The following ATRNL1 variants were observed in gnomAD, a reference collection of about 807,000 sequenced individuals.
ATRNL1 encodes the protein attractin like 1.
ATRNL1 carries 95 observed loss-of-function variants against 182.7 expected under a neutral mutation model. The observed-to-expected ratio is 0.52, with a 90% confidence interval of 0.44 to 0.62. The LOEUF is 0.62. Among genes scored for constraint, ATRNL1 ranks in the 20% least tolerant of loss-of-function variants. The pLI, the probability that ATRNL1 is intolerant of heterozygous loss-of-function variation, is 0.00. For missense variants in ATRNL1, 1,471 were observed against 1,679.5 expected, an observed-to-expected ratio of 0.88 and a Z score of 2.17; for synonymous variants, 576 against 568.3, an observed-to-expected ratio of 1.01 and a Z score of -0.19.
chr10:115,891,262 T>TGG (rs1239209144), intron 28 of ATRNL1, among the ~76,000 whole-genome samples: 1 of 152,056 alleles, frequency 6.6e-6, no homozygotes, highest in East Asian at 1.9e-4. Context: ...GAGGAGAATG[T>TGG]GGGGTCAGGA....
At chr10:115,239,398 A>C (rs1554902283) in intron 9 of ATRNL1, among the ~76,000 whole-genome samples, 1 of 151,812 alleles carries the variant, frequency 6.6e-6, no homozygotes, top group Non-Finnish European at 1.5e-5. Flanking sequence ...ACGCCCAGCT[A>C]ATTTTTTGTA....
intron 8 of ATRNL1, among the ~76,000 whole-genome samples, chr10:115,199,791 C>T (rs1189883533): frequency 6.6e-6 from 1 of 152,022 alleles, no homozygotes; most frequent in African/African-American, 2.4e-5. Flanking sequence ...TTTGCTTTTT[C>T]AGTAAACTAT....
chr10:115,802,252 G>T (rs1419726353), intron 27 of ATRNL1, among the ~76,000 whole-genome samples: 1 of 152,090 alleles, frequency 6.6e-6, no homozygotes, highest in Admixed American at 6.5e-5. Flanking sequence ...TGATATTCTG[G>T]GAAAGCTACC....
At chr10:115,588,093 A>G (rs1565191723) in intron 26 of ATRNL1, among the ~76,000 whole-genome samples, 1 of 152,122 alleles carries the variant, frequency 6.6e-6, no homozygotes, top group Non-Finnish European at 1.5e-5. Context: ...TTTTTTACTA[A>G]AACACCCCTA....
chr10:115,920,301 T>C (rs1953011015), intron 28 of ATRNL1, among the ~76,000 whole-genome samples: 1 of 152,188 alleles, frequency 6.6e-6, no homozygotes, highest in Non-Finnish European at 1.5e-5. Context: ...ATTCTGATCT[T>C]ATCAGGCACG....
chr10:115,385,276 T>A (rs1314043696), intron 19 of ATRNL1, among the ~76,000 whole-genome samples: 2 of 152,130 alleles, frequency 1.3e-5, no homozygotes, highest in African/African-American at 4.8e-5. Context: ...TCTTGTTGAT[T>A]TACAATTATA....
intron 19 of ATRNL1, among the ~76,000 whole-genome samples, chr10:115,339,285 AT>A (rs1246485960): frequency 6.6e-6 from 1 of 152,018 alleles, no homozygotes; most frequent in Non-Finnish European, 1.5e-5. Flanking sequence ...ATTGCATTGT[AT>A]CTGTAGACTG....
intron 20 of ATRNL1, among the ~76,000 whole-genome samples, chr10:115,412,618 T>C (rs1845198124): frequency 6.6e-6 from 1 of 152,214 alleles, no homozygotes; most frequent in East Asian, 1.9e-4. Flanking sequence ...ATTTTTGTAA[T>C]ATATTCCTTA....
intron 26 of ATRNL1, among the ~76,000 whole-genome samples, chr10:115,558,483 C>A (rs1554997961): frequency 6.6e-6 from 1 of 152,200 alleles, no homozygotes; most frequent in Non-Finnish European, 1.5e-5. Context: ...CCAAGGCACT[C>A]TCCCTTTCCA....
chr10:115,191,010 C>A (rs1394181897), intron 8 of ATRNL1, among the ~76,000 whole-genome samples: 8 of 151,982 alleles, frequency 5.3e-5, no homozygotes, highest in Admixed American at 5.3e-4. Flanking sequence ...CTTAACATTG[C>A]CCTTCAGTTT....
chr10:115,829,349 G>A (rs948132823), intron 27 of ATRNL1, among the ~76,000 whole-genome samples: 18 of 151,978 alleles, frequency 1.2e-4, no homozygotes, highest in African/African-American at 4.1e-4. Context: ...GTTTTTATAG[G>A]GAAGAGAGCA....
chr10:115,418,480 T>G (rs1845503854), intron 20 of ATRNL1, among the ~76,000 whole-genome samples: 1 of 151,980 alleles, frequency 6.6e-6, no homozygotes, highest in Admixed American at 6.6e-5. Flanking sequence ...AATAACACAT[T>G]TGTGTTATTA....
intron 24 of ATRNL1, among the ~76,000 whole-genome samples, chr10:115,483,575 A>C (rs1461073543): frequency 6.6e-6 from 1 of 151,564 alleles, no homozygotes; most frequent in Non-Finnish European, 1.5e-5. Context: ...ATATGTACAG[A>C]CCTAATTTAC....
chr10:115,858,758 C>G (rs992241612), intron 28 of ATRNL1, among the ~76,000 whole-genome samples: 1 of 151,908 alleles, frequency 6.6e-6, no homozygotes, highest in Non-Finnish European at 1.5e-5. Context: ...ATAGCTGACA[C>G]CATGGTTTAT....
intron 27 of ATRNL1, among the ~76,000 whole-genome samples, chr10:115,782,710 T>C (rs1309152038): frequency 6.6e-6 from 1 of 152,220 alleles, no homozygotes; most frequent in African/African-American, 2.4e-5. Flanking sequence ...CTCTCTGACC[T>C]TCAGATTTTC....
At chr10:115,100,998 T>C (rs1843745604) in intron 1 of ATRNL1, among the ~76,000 whole-genome samples, 1 of 152,176 alleles carries the variant, frequency 6.6e-6, no homozygotes, top group Non-Finnish European at 1.5e-5. Flanking sequence ...GTAAATGGCA[T>C]TTTTTAAACT....
At chr10:115,684,417 A>G (rs1277597629) in intron 26 of ATRNL1, among the ~76,000 whole-genome samples, 4 of 150,762 alleles carry the variant, frequency 2.7e-5, no homozygotes, top group African/African-American at 9.7e-5. Context: ...CATTTTTTGT[A>G]ATAACATTAG....
intron 26 of ATRNL1, among the ~76,000 whole-genome samples, chr10:115,651,748 A>C (rs1439683207): frequency 6.6e-6 from 1 of 152,302 alleles, no homozygotes; most frequent in Non-Finnish European, 1.5e-5. Flanking sequence ...GGGATTAATA[A>C]GAAGATGCAA....
intron 21 of ATRNL1, among the ~76,000 whole-genome samples, chr10:115,458,905 G>T (rs895736941): frequency 6.6e-6 from 1 of 152,074 alleles, no homozygotes; most frequent in Non-Finnish European, 1.5e-5. Context: ...TTTGTTGTGG[G>T]AAGTCAGGGA....
Sources: allele counts gnomAD v4.1 joint callset (sites outside exome capture counted in the v4.1 genomes callset), GRCh38; gene constraint gnomAD v4.1.1; transcripts MANE v1.5; gene names NCBI Gene and HGNC (gene_info 2026-07-23, HGNC 2026-07-21).